The following NEDD4 variants were observed in gnomAD, a reference collection of about 807,000 sequenced individuals.
NEDD4 encodes the protein E3 ubiquitin-protein ligase NEDD4.
NEDD4 carries 99 observed loss-of-function variants against 144.9 expected under a neutral mutation model. The ratio of observed to expected loss-of-function variants is 0.68; its 90% CI spans 0.58 to 0.81. The LOEUF is 0.81. NEDD4 is among the 30% of genes least tolerant of loss of function. The pLI is 0.00. For missense variants in NEDD4, 985 were observed against 1,065.9 expected (o/e 0.92, Z 1.06); for synonymous variants, 318 against 350.6 (o/e 0.91, Z 1.04).
chr15:55,944,707 T>A (rs1180874672), intron 4 of NEDD4, among the ~76,000 whole-genome samples: 1 of 152,198 alleles, frequency 6.6e-6, no homozygotes, highest in Non-Finnish European at 1.5e-5. Flanking sequence ...GACCCCCGTG[T>A]AGCCTAACTG....
At chr15:55,989,336 T>C (rs2037951416) in intron 1 of NEDD4, among the ~76,000 whole-genome samples, 1 of 152,212 alleles carries the variant, frequency 6.6e-6, no homozygotes, top group Non-Finnish European at 1.5e-5. Context: ...ACAATGATCC[T>C]GGAATTAAAG....
At chr15:55,929,990 A>C (rs1434455216) in intron 4 of NEDD4, among the ~76,000 whole-genome samples, 1 of 152,154 alleles carries the variant, frequency 6.6e-6, no homozygotes, top group Non-Finnish European at 1.5e-5. Flanking sequence ...AAATCTCCCC[A>C]AAGGTAAAAT....
In NEDD4 at chr15:55,928,113, G is replaced by A. The variant is rs998986197; in HGVS notation, c.238-3414C>T. Among the ~76,000 whole-genome samples the A allele has an allele frequency of 5.9e-5, 9 of 151,984 alleles. No homozygotes were observed. In the South Asian group the frequency reaches 1.5e-3, roughly 25 times the overall value. On this transcript the variant is annotated intron_variant, in intron 4 of 28. Transcript: ENST00000435532. ...CAACCTCCGTCTCCTGGGTTCAAGC[G>A]ATTCTCCTGCCTCGACCTCCCAAGT...
rs554280664 is a variant in NEDD4, at chr15:55,939,220, A to G, written c.237+12156T>C. ...TAATCCCCACGTGTCAAGGGAGGGA[A>G]CTGGTGGGAGGTGATTGGATCACGG... On this transcript the variant is annotated intron_variant, in intron 4 of 28. Transcript: ENST00000435532. Among the ~76,000 whole-genome samples the G allele has an allele frequency of 2.0e-5, 3 of 152,278 alleles. No individual in the cohort carries two copies. In the South Asian group the frequency reaches 6.2e-4, roughly 32 times the overall value.
At chr15:55,883,878 A>G (rs955445123) in intron 5 of NEDD4, among the ~76,000 whole-genome samples, 1 of 108,644 alleles carries the variant, frequency 9.2e-6, no homozygotes, top group Admixed American at 1.3e-4. Flanking sequence ...CCAAAGTGGC[A>G]CTTCTTTTTT....
At chr15:55,933,389 T>C (rs1308369715) in intron 4 of NEDD4, among the ~76,000 whole-genome samples, 1 of 151,960 alleles carries the variant, frequency 6.6e-6, no homozygotes, top group Admixed American at 6.6e-5. Context: ...GGGACATGGA[T>C]GAAGCTAGAA....
In NEDD4 at chr15:55,889,062, A is replaced by T. The variant is rs562437417; in HGVS notation, c.292-15054T>A. ...GCAAAGATTTCTTCAGTAATACTCC[A>T]TAAGCACAGACAACCAAATCAAAAT... is the stretch of plus-strand genomic sequence containing the variant. On this transcript the variant is annotated intron_variant, in intron 5 of 28. Coordinates refer to ENST00000435532, the MANE Select transcript of NEDD4 (RefSeq NM_006154.4). Among the ~76,000 whole-genome samples, 13 of 152,356 alleles carry T rather than the reference A, an allele frequency of 8.5e-5. No individual in the cohort carries two copies. The South Asian group carries it at 2.7e-3, about 32-fold the overall frequency.
chr15:55,911,631 G>A (rs1280552401), intron 5 of NEDD4, among the ~76,000 whole-genome samples: 2 of 151,888 alleles, frequency 1.3e-5, no homozygotes, highest in East Asian at 1.9e-4. Context: ...CCGGGTCCAC[G>A]CCATTCTCCT....
chr15:55,872,814 G>A (rs184161205), intron 6 of NEDD4, among the ~76,000 whole-genome samples: 2 of 151,922 alleles, frequency 1.3e-5, no homozygotes, highest in African/African-American at 4.8e-5. Flanking sequence ...GGCTGGCTTG[G>A]TTAGAGCATA....
chr15:55,916,813 A>T (rs763526606), intron 5 of NEDD4: 1 of 1,603,724 alleles, frequency 6.2e-7, no homozygotes, highest in South Asian at 1.1e-5. Flanking sequence ...GCAAAGTGCA[A>T]TCGTAAGCTT....
chr15:55,885,139 GC>G (rs1338588672), intron 5 of NEDD4, among the ~76,000 whole-genome samples: 9 of 152,164 alleles, frequency 5.9e-5, no homozygotes, highest in Non-Finnish European at 1.3e-4. Flanking sequence ...GGAGATAGTG[GC>G]ATGACATTTT....
intron 11 of NEDD4, among the ~76,000 whole-genome samples, chr15:55,859,772 G>T (rs1566915315): frequency 6.6e-6 from 1 of 152,120 alleles, no homozygotes; most frequent in Non-Finnish European, 1.5e-5. Context: ...TAACATCCAA[G>T]AGCTGGCCTG....
chr15:55,872,679 G>A lies in NEDD4; in HGVS notation c.343-203C>T, dbSNP rs532024717. ...TTGCAGCCGACATCACAACTCAAAT[G>A]AAAACTAGCTGAGCAGGTGGGTTGT... On this transcript the variant is annotated intron_variant, in intron 6 of 28. Coordinates refer to ENST00000435532, the MANE Select transcript of NEDD4 (RefSeq NM_006154.4). Among the ~76,000 whole-genome samples the A allele has an allele frequency of 3.7e-3, 562 of 152,286 alleles. 3 individuals are homozygous for A. The highest frequency in any genetic ancestry group is 5.2e-3 in the Non-Finnish European group (353 of 68,012).
At chr15:55,888,799 A>C (rs555327872) in intron 5 of NEDD4, among the ~76,000 whole-genome samples, 12 of 152,312 alleles carry the variant, frequency 7.9e-5, no homozygotes, top group African/African-American at 2.6e-4. Context: ...AAATCCATAC[A>C]TCTACAGTGA....
rs1213219631 is a variant in NEDD4, at chr15:55,832,990, T to G, written c.2527+18A>C. 6.4e-7 allele frequency: 1 copy of G among 1,552,566 alleles called. No individual in the cohort carries two copies. Among genetic ancestry groups the G allele is most frequent in the Non-Finnish European group, 8.8e-7 (1 of 1,130,596 alleles). ...ACGCATTATTCCATTTTTTTAATGA[T>G]CTATGGAAAATCCTTACCGTATAGT... On this transcript the variant is annotated intron_variant, in intron 27 of 28. Transcript: ENST00000435532.
At chr15:55,984,327 CTGGGAGAAGGTTCTTG>C (rs1463938198) in intron 1 of NEDD4, among the ~76,000 whole-genome samples, 1 of 152,154 alleles carries the variant, frequency 6.6e-6, no homozygotes, top group Non-Finnish European at 1.5e-5. Context: ...CTTCTCCCTA[CTGGGAGAAGGTTCTTG>C]AACAAATCAG....
At chr15:55,950,020 A>G (rs1388617135) in intron 4 of NEDD4, among the ~76,000 whole-genome samples, 1 of 152,132 alleles carries the variant, frequency 6.6e-6, no homozygotes, top group African/African-American at 2.4e-5. Flanking sequence ...AAACAAAAGT[A>G]TAAATAAATA....
At chr15:55,890,841 G>C (rs2035548879) in intron 5 of NEDD4, among the ~76,000 whole-genome samples, 2 of 152,090 alleles carry the variant, frequency 1.3e-5, no homozygotes, top group Admixed American at 1.3e-4. Context: ...TTCTTAGTGG[G>C]TGTGACGTAG....
chr15:55,905,713 T>C (rs1407959808), intron 5 of NEDD4, among the ~76,000 whole-genome samples: 1 of 152,202 alleles, frequency 6.6e-6, no homozygotes, highest in Non-Finnish European at 1.5e-5. Context: ...CGCCCACTTG[T>C]TGATGGGGTT....
Sources: allele counts gnomAD v4.1 joint callset (sites outside exome capture counted in the v4.1 genomes callset), GRCh38; gene constraint gnomAD v4.1.1; transcripts MANE v1.5; gene names NCBI Gene and HGNC (gene_info 2026-07-23, HGNC 2026-07-21).